The following MYO3B variants were observed in gnomAD, a reference collection of about 807,000 sequenced individuals.
MYO3B encodes myosin-IIIb.
Under a neutral mutation model 174.6 loss-of-function variants are expected in MYO3B, and 156 were observed. The observed-to-expected ratio is 0.89, with a 90% CI of 0.78 to 1.02. The LOEUF (loss-of-function observed/expected upper bound fraction) is 1.02. MYO3B is among the 50% of genes least tolerant of loss of function. MYO3B has a pLI of 0.00. For missense variants in MYO3B, 1,632 were observed against 1,639.4 expected (o/e 1.00, Z 0.08); for synonymous variants, 563 against 569.1 (o/e 0.99, Z 0.15).
At position 170,568,875 on chromosome 2, in the gene MYO3B, G is replaced by GATTT. The variant is rs552858774; in HGVS notation, c.3733+24888_3733+24889insTTTA. Reference sequence around the variant, plus strand: ...ACTCACTGTTTCTTTAAAAAGTAAAGAAGACTGTTGGACAGTCTTCTTAAA... The same window carrying GATTT: ...ACTCACTGTTTCTTTAAAAAGTAAAGATTTAAGACTGTTGGACAGTCTTCTTAAA... On this transcript the variant is annotated intron_variant, in intron 32 of 34. Transcript: ENST00000408978. Among the ~76,000 whole-genome samples, 26 of 152,236 alleles carry GATTT rather than the reference G, an allele frequency of 1.7e-4. No individual in the cohort carries two copies. In the South Asian group the frequency reaches 5.0e-3, roughly 29 times the overall value.
At chr2:170,379,146 A>G (rs889544971) in intron 9 of MYO3B, among the ~76,000 whole-genome samples, 1 of 152,038 alleles carries the variant, frequency 6.6e-6, no homozygotes, top group Admixed American at 6.6e-5. Context: ...GAGACAAACT[A>G]GCTGAATTTA....
chr2:170,515,419 T>C (rs72880173), intron 29 of MYO3B, among the ~76,000 whole-genome samples: 14,907 of 152,126 alleles, frequency 0.098, 861 homozygotes, highest in Admixed American at 0.19. Flanking sequence ...CTTTCTATGA[T>C]CCAGAACCTG....
At chr2:170,383,050 A>G (rs12471568) in intron 10 of MYO3B, 23 bp from the exon 11 acceptor site, 435,884 of 1,420,464 alleles carry the variant, frequency 0.31, 69,865 homozygotes, top group Non-Finnish European at 0.33. Flanking sequence ...TATTTACCTC[A>G]ATACCATTTA....
intron 32 of MYO3B, among the ~76,000 whole-genome samples, chr2:170,614,522 C>A (rs1695323238): frequency 6.6e-6 from 1 of 152,158 alleles, no homozygotes; most frequent in East Asian, 1.9e-4. Flanking sequence ...GTTGCTCTTC[C>A]TTCTCTCACC....
intron 32 of MYO3B, among the ~76,000 whole-genome samples, chr2:170,642,238 AGT>A: frequency 6.6e-6 from 1 of 152,260 alleles, no homozygotes; most frequent in East Asian, 1.9e-4. Context: ...ATTTGTTGAG[AGT>A]GTGCCAGGCT....
At chr2:170,191,326 G>A (rs1479091510) in intron 1 of MYO3B, among the ~76,000 whole-genome samples, 1 of 151,994 alleles carries the variant, frequency 6.6e-6, no homozygotes, top group Admixed American at 6.6e-5. Context: ...TACTCCCTTG[G>A]CTCTGGCTGA....
At chr2:170,296,598 G>T (rs1474861447) in intron 7 of MYO3B, among the ~76,000 whole-genome samples, 2 of 152,206 alleles carry the variant, frequency 1.3e-5, no homozygotes, top group South Asian at 2.1e-4. Flanking sequence ...GTCTTCATGG[G>T]TCATAAGCCC....
chr2:170,400,204 A>G lies in MYO3B; in HGVS notation c.1808A>G (p.Tyr603Cys), dbSNP rs754594397. ...CCTTTTCAGGAGGTGCACTCAGTGTACAGAATTTTGGCTGGGATTTTGAAT... is the reference window on the plus strand; with the variant it reads ...CCTTTTCAGGAGGTGCACTCAGTGTGCAGAATTTTGGCTGGGATTTTGAAT... ...GFTDKEVHSV[Y>C]RILAGILNIG... The change falls in exon 17 of 35, where the codon TAC becomes TGC. Residue 603 changes from tyrosine (Y) to cysteine (C), a missense_variant. By Grantham distance (194) the Tyr-to-Cys change is radical (BLOSUM62 -2). Transcript: ENST00000408978. 26 of 1,613,936 alleles carry G rather than the reference A, an allele frequency of 1.6e-5. No individual in the cohort carries two copies. Among genetic ancestry groups the G allele is most frequent in the Non-Finnish European group, 2.0e-5 (24 of 1,179,990 alleles).
intron 8 of MYO3B, chr2:170,345,176 A>G (rs901991666): frequency 6.6e-6 from 1 of 152,200 alleles, no homozygotes. Context: ...ATGCAGGCTC[A>G]TGTCACCAGT....
chr2:170,312,063 C>A (rs2105471761), intron 7 of MYO3B, among the ~76,000 whole-genome samples: 1 of 152,258 alleles, frequency 6.6e-6, no homozygotes, highest in Non-Finnish European at 1.5e-5. Context: ...TTCAATATTG[C>A]TTTTCGCACG....
At chr2:170,309,927 T>A (rs1030958137) in intron 7 of MYO3B, among the ~76,000 whole-genome samples, 6 of 152,318 alleles carry the variant, frequency 3.9e-5, no homozygotes, top group Admixed American at 3.3e-4. Flanking sequence ...CATTCCCTAT[T>A]TCTCCCAGAC....
At chr2:170,393,209 G>A (rs767473162) in intron 16 of MYO3B, among the ~76,000 whole-genome samples, 4 of 150,996 alleles carry the variant, frequency 2.6e-5, no homozygotes, top group African/African-American at 7.3e-5. Flanking sequence ...TCAGCCTCCC[G>A]AGTAGCTGGG....
At chr2:170,500,469 A>AG (rs374940283) in intron 27 of MYO3B, among the ~76,000 whole-genome samples, 28 of 152,260 alleles carry the variant, frequency 1.8e-4, no homozygotes, top group African/African-American at 6.5e-4. Flanking sequence ...CTTCTGGAGG[A>AG]GTTTGCCTTT....
rs746981260 is a variant in MYO3B, at chr2:170,214,395, C to T, written c.338C>T (p.Ser113Leu). Residue 113 changes from serine to leucine, a missense_variant, in exon 4 of 35, where the codon TCA (serine) becomes TTA (leucine). Ser to Leu is a moderately radical substitution (Grantham distance 145). Coordinates refer to ENST00000408978, the MANE Select transcript of MYO3B (RefSeq NM_138995.5). ...TTCTTGCAGCTGTGTAATGGGGGCTCAGTCACTGAGCTTGTCAAAGGTCTA... is the reference window on the plus strand; with the variant it reads ...TTCTTGCAGCTGTGTAATGGGGGCTTAGTCACTGAGCTTGTCAAAGGTCTA... ...WLVLELCNGG[S>L]VTELVKGLLR... The T allele has an allele frequency of 5.6e-6, 9 of 1,614,088 alleles. No homozygotes were observed. The Admixed American group carries it at 1.0e-4, about 18-fold the overall frequency.
In MYO3B at chr2:170,256,232, A is replaced by C. The variant is rs192129899; in HGVS notation, c.749+20096A>C. ...CATATTTGAGGATATAGTCCACAAA[A>C]ATTTCCCCAATTTCACAAGAAAGGT... On this transcript the variant is annotated intron_variant, in intron 7 of 34. Transcript: ENST00000408978. Among the ~76,000 whole-genome samples, 10 of 152,348 alleles carry C rather than the reference A, an allele frequency of 6.6e-5. No homozygotes were observed. In the East Asian group the frequency reaches 1.9e-3, roughly 29 times the overall value.
At chr2:170,289,582 A>G (rs1052659871) in intron 7 of MYO3B, among the ~76,000 whole-genome samples, 1 of 151,146 alleles carries the variant, frequency 6.6e-6, no homozygotes, top group Non-Finnish European at 1.5e-5. Flanking sequence ...GACTTTATTT[A>G]TTTGGGTATT....
intron 7 of MYO3B, among the ~76,000 whole-genome samples, chr2:170,304,031 G>A (rs74717937): frequency 6.6e-6 from 1 of 152,016 alleles, no homozygotes; most frequent in Admixed American, 6.6e-5. Flanking sequence ...CTTATAGATG[G>A]GCATTTTGGT....
chr2:170,223,867 T>A (rs1255491432), intron 6 of MYO3B, among the ~76,000 whole-genome samples: 1 of 152,240 alleles, frequency 6.6e-6, no homozygotes, highest in African/African-American at 2.4e-5. Flanking sequence ...TGGCTTATAT[T>A]TAGCTGATGT....
At chr2:170,266,842 T>C (rs570907295) in intron 7 of MYO3B, among the ~76,000 whole-genome samples, 1 of 152,328 alleles carries the variant, frequency 6.6e-6, no homozygotes, top group East Asian at 1.9e-4. Flanking sequence ...CCTCTGCCCC[T>C]CTTAGGGAAT....
Sources: allele counts gnomAD v4.1 joint callset (sites outside exome capture counted in the v4.1 genomes callset), GRCh38; gene constraint gnomAD v4.1.1; transcripts MANE v1.5; gene names NCBI Gene and HGNC (gene_info 2026-07-23, HGNC 2026-07-21).